The following SIRT5 variants were observed in gnomAD, a reference collection of about 807,000 sequenced individuals.
SIRT5 encodes the protein NAD-dependent protein deacylase sirtuin-5, mitochondrial.
In SIRT5, 26 loss-of-function variants were observed where a neutral mutation model predicts 40.0. The observed-to-expected ratio is 0.65, with a 90% confidence interval of 0.48 to 0.90. The LOEUF is 0.90. Among genes scored for constraint, SIRT5 ranks in the 40% least tolerant of loss-of-function variants. The probability of loss-of-function intolerance (pLI) is 0.00; values close to 1 mark genes in which losing one functional copy is unlikely to be tolerated. For synonymous variants in SIRT5, 146 were observed against 149.1 expected (o/e 0.98, Z 0.15); for missense variants, 401 against 402.4 (o/e 1.00, Z 0.03).
At position 13,614,504 on chromosome 6, in the gene SIRT5, A is replaced by G. The variant is rs1764189955; in HGVS notation, c.*2639A>G. 1 of 152,284 alleles carries G rather than the reference A, an allele frequency of 6.6e-6. No individual in the cohort carries two copies. Among genetic ancestry groups the G allele is most frequent in the South Asian group, 2.1e-4 (1 of 4,832 alleles). The allele number at this position is 152,284 out of a possible 1,614,324, so 9.4% of individuals were successfully genotyped here. On this transcript the variant is annotated 3_prime_UTR_variant, in exon 10 of 10. Transcript: ENST00000606117. ...GTATAATGGATGGGAGGAGAGAAAC[A>G]CAGCGATCACAAAGGGCCATGTTTG...
chr6:13,594,649 G>T (rs1425145446), intron 5 of SIRT5, among the ~76,000 whole-genome samples: 2 of 152,230 alleles, frequency 1.3e-5, no homozygotes, highest in East Asian at 3.9e-4. Context: ...GGCTGAGCTT[G>T]TATTTGGGAT....
Position 13,612,801 on chromosome 6 carries a change from A to T in SIRT5, c.*936A>T, listed in dbSNP as rs1283663198. On this transcript the variant is annotated 3_prime_UTR_variant, in exon 10 of 10. Transcript: ENST00000606117. ...AAATATGTGGACCCCCAGGATAAAC[A>T]CAGCTGCCCAAAATTTAGCTCTGGC... The T allele has an allele frequency of 2.6e-5, 4 of 152,288 alleles. No individual in the cohort carries two copies. Among genetic ancestry groups the T allele is most frequent in the Non-Finnish European group, 5.9e-5 (4 of 68,100 alleles). The allele number at this position is 152,288 out of a possible 1,614,324, so 9.4% of individuals were successfully genotyped here. A position where few individuals can be genotyped will look rare whatever the true frequency, so the allele number is the denominator to read the frequency against.
At chr6:13,597,400 G>A (rs1177057340) in intron 7 of SIRT5, among the ~76,000 whole-genome samples, 3 of 139,552 alleles carry the variant, frequency 2.1e-5, no homozygotes, top group Non-Finnish European at 4.5e-5. Flanking sequence ...CTGAATAGGA[G>A]AGGTTACAGG....
At chr6:13,583,712 G>T (rs1207565931) in intron 2 of SIRT5, among the ~76,000 whole-genome samples, 1 of 152,174 alleles carries the variant, frequency 6.6e-6, no homozygotes, top group African/African-American at 2.4e-5. Context: ...ATAGATGATG[G>T]GGTCCACCCC....
At position 13,615,130 on chromosome 6, in the gene SIRT5, C is replaced by G. The variant is rs1764218933; in HGVS notation, c.*3265C>G. The G allele has an allele frequency of 2.4e-5, 12 of 499,460 alleles. No homozygotes were observed. The South Asian group carries it at 4.4e-4, about 18-fold the overall frequency. 30.9% of individuals were successfully genotyped at this position (499,460 alleles called of 1,614,324 possible). ...AATCAACCCCATTGCCAGCCGCTTT[C>G]GCCGGCAGAGCATTTTCCGTGGGGT... is the stretch of plus-strand genomic sequence containing the variant. On this transcript the variant is annotated 3_prime_UTR_variant, in exon 10 of 10. Transcript: ENST00000606117.
In SIRT5 at chr6:13,599,067, C is replaced by G. The variant is rs770850946; in HGVS notation, c.653C>G (p.Pro218Arg). Residue 218 changes from proline (P) to arginine (R), a missense_variant, in exon 8 of 10, where the codon CCT becomes CGT. By Grantham distance (103) the Pro-to-Arg change is moderately radical (BLOSUM62 -2). Coordinates refer to ENST00000606117, the MANE Select transcript of SIRT5 (RefSeq NM_012241.5). ...EEAGCGGLLR[P>R]HVVWFGENLD... is the part of the protein sequence containing the mutation. ...GCAGGCTGCGGGGGCTTGCTGCGAC[C>G]TCACGTCGTGTGGTTTGGAGAAAAC... 1.4e-5 allele frequency: 23 copies of G among 1,613,954 alleles called. No individual in the cohort carries two copies. In the Middle Eastern group the frequency reaches 2.3e-3, roughly 161 times the overall value.
At chr6:13,585,430 A>G (rs1584762366) in intron 3 of SIRT5, among the ~76,000 whole-genome samples, 1 of 126,610 alleles carries the variant, frequency 7.9e-6, no homozygotes. Flanking sequence ...GTGTGATGTT[A>G]CCCGCCCTGT....
intron 9 of SIRT5, among the ~76,000 whole-genome samples, chr6:13,608,751 G>A (rs1763444651): frequency 6.6e-6 from 1 of 151,760 alleles, no homozygotes; most frequent in South Asian, 2.1e-4. Context: ...AATCTGCAGT[G>A]CATAATTGTA....
chr6:13,584,750 T>A (rs1281381579), intron 3 of SIRT5, among the ~76,000 whole-genome samples: 1 of 149,486 alleles, frequency 6.7e-6, no homozygotes, highest in Non-Finnish European at 1.5e-5. Context: ...GCCAGAATAT[T>A]TGCATTTAAG....
At chr6:13,576,891 A>T (rs1251120465) in intron 1 of SIRT5, among the ~76,000 whole-genome samples, 1 of 152,222 alleles carries the variant, frequency 6.6e-6, no homozygotes, top group East Asian at 1.9e-4. Context: ...TCCTGATGCC[A>T]TTTATTAAAG....
At chr6:13,583,970 G>T (rs1406665516) in intron 2 of SIRT5, 106 bp from the exon 3 acceptor site, 1 of 477,850 alleles carries the variant, frequency 2.1e-6, no homozygotes, top group African/African-American at 2.0e-5. Context: ...TAATATACAT[G>T]ATGCGTTTCT....
chr6:13,582,415 T>C (rs1030091529), intron 2 of SIRT5, among the ~76,000 whole-genome samples: 6 of 152,182 alleles, frequency 3.9e-5, no homozygotes, highest in Non-Finnish European at 8.8e-5. Flanking sequence ...GTTCAGTCTA[T>C]TCGCATTGTT....
Position 13,595,504 on chromosome 6 carries a change from CT to C in SIRT5, c.505del (p.Cys169ValfsTer78). ...AGCTTATTTAAAACTCGATGTACCT[CT>C]TGTGGAGTTGTGGCTGAGAATTACA... is the stretch of plus-strand genomic sequence containing the variant. ...HGSLFKTRCT[S>X]CGVVAENYKS... On this transcript the variant is annotated frameshift_variant, in exon 6 of 10. Transcript: ENST00000606117. LOFTEE classifies it high-confidence loss of function. 3 of 1,614,106 alleles carry C rather than the reference CT, an allele frequency of 1.9e-6. No individual in the cohort carries two copies. The highest frequency in any genetic ancestry group is 2.5e-6 in the Non-Finnish European group (3 of 1,179,968).
chr6:13,595,465 T>C lies in SIRT5; in HGVS notation c.476-12T>C, dbSNP rs758280349. ...TACTAAATTCTGGATTTGCTTCATA[T>C]GTATTTTTCAGGTAGCTTATTTAAA... On this transcript the variant is annotated splice_polypyrimidine_tract_variant and intron_variant, in intron 5 of 9. Transcript: ENST00000606117. 1.9e-6 allele frequency: 3 copies of C among 1,605,018 alleles called. No individual in the cohort carries two copies. The highest frequency in any genetic ancestry group is 2.2e-5 in the South Asian group (2 of 90,860).
At chr6:13,598,825 CAAAAA>C (rs368964409) in intron 7 of SIRT5, among the ~76,000 whole-genome samples, 1 of 47,104 alleles carries the variant, frequency 2.1e-5, no homozygotes, top group Non-Finnish European at 4.4e-5. Flanking sequence ...GACTCCGTCT[CAAAAA>C]AAAAAAAAAA....
chr6:13,593,054 C>G (rs953828388), intron 5 of SIRT5, among the ~76,000 whole-genome samples: 1 of 151,982 alleles, frequency 6.6e-6, no homozygotes, highest in Non-Finnish European at 1.5e-5. Flanking sequence ...GCTGGGACTA[C>G]AGGCACATGC....
intron 4 of SIRT5, chr6:13,589,529 A>G (rs906844757): frequency 2.0e-5 from 3 of 152,274 alleles, no homozygotes; most frequent in Non-Finnish European, 4.4e-5. Context: ...GCAGTCATAA[A>G]TAAATACTGC....
At chr6:13,601,067 TG>T (rs1166251892) in intron 9 of SIRT5, 118 bp downstream of exon 9, 9 of 711,936 alleles carry the variant, frequency 1.3e-5, no homozygotes, top group African/African-American at 1.1e-4. Context: ...TGTGTTTTTT[TG>T]TTTGATCTGC....
chr6:13,583,970 G>A (rs1406665516), intron 2 of SIRT5, 106 bp from the exon 3 acceptor site: 2 of 477,966 alleles, frequency 4.2e-6, no homozygotes, highest in Non-Finnish European at 7.2e-6. Context: ...TAATATACAT[G>A]ATGCGTTTCT....
Sources: allele counts gnomAD v4.1 joint callset (sites outside exome capture counted in the v4.1 genomes callset), GRCh38; gene constraint gnomAD v4.1.1; transcripts MANE v1.5; gene names NCBI Gene and HGNC (gene_info 2026-07-23, HGNC 2026-07-21).